Variants in MALRD1 observed in about 807,000 individuals in gnomAD.
MALRD1 encodes the protein MAM and LDL-receptor class A domain-containing protein 1.
A neutral mutation model predicts 242.1 loss-of-function variants in MALRD1; 247 were observed. That is an observed-to-expected ratio of 1.02 (90% confidence interval 0.92 to 1.13). The LOEUF (loss-of-function observed/expected upper bound fraction) is 1.13. Ranked by LOEUF, MALRD1 falls within the 50% of genes most tolerant of loss-of-function variation. MALRD1 has a pLI of 0.00. For synonymous variants in MALRD1, 995 were observed against 866.6 expected, an observed-to-expected ratio of 1.15 and a Z score of -2.60; for missense variants, 2,989 against 2,533.1, an observed-to-expected ratio of 1.18 and a Z score of -3.86.
chr10:19,083,342 C>G (rs984853422), intron 2 of MALRD1, among the ~76,000 whole-genome samples: 10 of 151,954 alleles, frequency 6.6e-5, no homozygotes, highest in African/African-American at 2.4e-4. Flanking sequence ...GGCTTAGGGT[C>G]TTTTCAGGTA....
chr10:19,617,172 A>C (rs1457319320), intron 36 of MALRD1, among the ~76,000 whole-genome samples: 4 of 152,016 alleles, frequency 2.6e-5, no homozygotes, highest in Non-Finnish European at 5.9e-5. Flanking sequence ...GAGCAAGAAA[A>C]GAGCTTTACA....
At chr10:19,250,865 A>T (rs1839265320) in intron 18 of MALRD1, among the ~76,000 whole-genome samples, 1 of 151,914 alleles carries the variant, frequency 6.6e-6, no homozygotes, top group South Asian at 2.1e-4. Flanking sequence ...ACTCAACAAG[A>T]TTAGCAGAAA....
At position 19,238,410 on chromosome 10, in the gene MALRD1, A is replaced by T. The variant is rs1408728306; in HGVS notation, c.2992-19274A>T. Among the ~76,000 whole-genome samples, 537 of 78,868 alleles carry T rather than the reference A, an allele frequency of 6.8e-3. 44 individuals carry two copies. Among genetic ancestry groups the T allele is most frequent in the African/African-American group, 0.027 (465 of 17,484 alleles). The allele number at this position is 78,868 out of a possible 152,430, so 51.7% of individuals were successfully genotyped here. Reference sequence around the variant, plus strand: ...ATTATATATGTTATATATTATGTATAATATATAATATACATTATATATAAT... The same window carrying T: ...ATTATATATGTTATATATTATGTATTATATATAATATACATTATATATAAT... On this transcript the variant is annotated intron_variant, in intron 18 of 39. Coordinates refer to ENST00000454679, the MANE Select transcript of MALRD1 (RefSeq NM_001142308.3).
intron 29 of MALRD1, chr10:19,488,571 TAGTC>T (rs1218661146): frequency 2.0e-5 from 3 of 153,106 alleles, no homozygotes; most frequent in Admixed American, 6.5e-5. Flanking sequence ...CTGGAGGGAA[TAGTC>T]AGGGCAGACA....
At chr10:19,487,912 C>A (rs1368928590) in intron 29 of MALRD1, among the ~76,000 whole-genome samples, 1 of 152,080 alleles carries the variant, frequency 6.6e-6, no homozygotes, top group Non-Finnish European at 1.5e-5. Flanking sequence ...GTATTATGGG[C>A]ATAATCCAAA....
At chr10:19,171,463 CAT>C (rs1834932247) in intron 13 of MALRD1, among the ~76,000 whole-genome samples, 2 of 125,458 alleles carry the variant, frequency 1.6e-5, no homozygotes, top group East Asian at 2.6e-4. Context: ...TATATACACA[CAT>C]GTATATACAC....
rs1273635337 is a variant in MALRD1 at position 19,563,960 on chromosome 10, T to TCCTGCTTTCCCCATGTAATGTGCC, written c.5479-3541_5479-3518dup. 6.6e-5 allele frequency among the ~76,000 whole-genome samples: 10 copies of TCCTGCTTTCCCCATGTAATGTGCC among 152,298 alleles called. No individual in the cohort carries two copies. The East Asian group carries it at 1.7e-3, about 26-fold the overall frequency. On this transcript the variant is annotated intron_variant, in intron 32 of 39. Transcript: ENST00000454679. ...CCGCCTCCGGCACTGTCTCTCTTTT[T>TCCTGCTTTCCCCATGTAATGTGCC]CCTGCTTTCCCCATGTAATGTGCCT...
chr10:19,070,936 C>T (rs754791644), intron 2 of MALRD1, among the ~76,000 whole-genome samples: 18 of 144,736 alleles, frequency 1.2e-4, no homozygotes, highest in Non-Finnish European at 1.5e-4. Flanking sequence ...ACTACAGCCT[C>T]TGCCTCCCAG....
intron 20 of MALRD1, 54 bp from the exon 21 acceptor site, chr10:19,282,965 A>G: frequency 7.6e-7 from 1 of 1,323,484 alleles, no homozygotes; most frequent in Middle Eastern, 1.9e-4. Context: ...AAGATTGTAC[A>G]GATAGAAACT....
intron 36 of MALRD1, among the ~76,000 whole-genome samples, chr10:19,662,956 C>G (rs1395726046): frequency 6.6e-6 from 1 of 152,054 alleles, no homozygotes; most frequent in Non-Finnish European, 1.5e-5. Context: ...AGGAGTATAC[C>G]ATATCCATGG....
chr10:19,492,642 G>C (rs1276041684), intron 30 of MALRD1, among the ~76,000 whole-genome samples: 1 of 152,172 alleles, frequency 6.6e-6, no homozygotes, highest in Non-Finnish European at 1.5e-5. Flanking sequence ...GCTTCTACTA[G>C]AAAGTGTCCC....
intron 14 of MALRD1, among the ~76,000 whole-genome samples, chr10:19,178,121 G>C (rs1835338665): frequency 6.6e-6 from 1 of 152,234 alleles, no homozygotes; most frequent in Middle Eastern, 3.4e-3. Context: ...TGAGACACTT[G>C]ATCTTGCTTA....
At chr10:19,575,119 C>T (rs1399622309) in intron 33 of MALRD1, among the ~76,000 whole-genome samples, 1 of 152,154 alleles carries the variant, frequency 6.6e-6, no homozygotes. Flanking sequence ...CCTTAAACAA[C>T]ATGGGTTTGA....
chr10:19,455,597 G>A (rs1272429787), intron 29 of MALRD1, among the ~76,000 whole-genome samples: 1 of 152,038 alleles, frequency 6.6e-6, no homozygotes, highest in Non-Finnish European at 1.5e-5. Context: ...CTCTATACAA[G>A]GTACTTTGAA....
In MALRD1 at chr10:19,203,444, C is replaced by T. The variant is rs546854600; in HGVS notation, c.1952-284C>T. Among the ~76,000 whole-genome samples the T allele has an allele frequency of 3.3e-5, 5 of 152,218 alleles. 1 individual carries two copies. The South Asian group carries it at 1.0e-3, about 32-fold the overall frequency. On this transcript the variant is annotated intron_variant, in intron 14 of 39. Transcript: ENST00000454679. ...TCAGAATGAATTAGGCATACCTTGG[C>T]AATTCTATAAGCAATCAGGCTGAAT...
intron 36 of MALRD1, among the ~76,000 whole-genome samples, chr10:19,670,580 A>G (rs1283961955): frequency 6.6e-6 from 1 of 152,186 alleles, no homozygotes; most frequent in Non-Finnish European, 1.5e-5. Context: ...AGCTTCCAAC[A>G]GATTCGTCTT....
intron 21 of MALRD1, among the ~76,000 whole-genome samples, chr10:19,290,953 G>A (rs761932495): frequency 1.6e-4 from 24 of 152,122 alleles, no homozygotes; most frequent in Non-Finnish European, 2.9e-4. Context: ...AGCCCAGGCA[G>A]TGTTTCTATA....
At chr10:19,273,657 T>C (rs547720694) in intron 19 of MALRD1, among the ~76,000 whole-genome samples, 11 of 152,272 alleles carry the variant, frequency 7.2e-5, no homozygotes, top group Admixed American at 6.5e-4. Flanking sequence ...ATTCTGACAA[T>C]ATGACGTTCT....
At chr10:19,594,546 C>A (rs992683315) in intron 33 of MALRD1, among the ~76,000 whole-genome samples, 1 of 152,114 alleles carries the variant, frequency 6.6e-6, no homozygotes, top group African/African-American at 2.4e-5. Context: ...ATGTTTATAG[C>A]AGCACAATTC....
Sources: allele counts gnomAD v4.1 joint callset (sites outside exome capture counted in the v4.1 genomes callset), GRCh38; gene constraint gnomAD v4.1.1; transcripts MANE v1.5; gene names NCBI Gene and HGNC (gene_info 2026-07-23, HGNC 2026-07-21).